The following NF1 variants were observed in gnomAD, a reference collection of about 807,000 sequenced individuals.
The protein encoded by NF1 is neurofibromin 1.
A neutral mutation model predicts 325.7 loss-of-function variants in NF1; 122 were observed. That is an observed-to-expected ratio of 0.37 (90% CI 0.32 to 0.44). The LOEUF (loss-of-function observed/expected upper bound fraction) is 0.44. Ranked by LOEUF, NF1 falls within the 20% of genes least tolerant of loss-of-function variation. The probability of loss-of-function intolerance (pLI) is 1.00; values close to 1 mark genes in which losing one functional copy is unlikely to be tolerated. For missense variants in NF1, 2,140 were observed against 3,415.4 expected (o/e 0.63, Z 9.31); for synonymous variants, 1,091 against 1,186.0 (o/e 0.92, Z 1.65).
intron 36 of NF1, chr17:31,307,765 A>C: frequency 1.7e-6 from 1 of 573,760 alleles, no homozygotes; most frequent in Non-Finnish European, 2.7e-6. Context: ...GGGAATAGAA[A>C]ATCTTAGGGT....
intron 11 of NF1, among the ~76,000 whole-genome samples, chr17:31,205,015 T>A (rs949293751): frequency 6.6e-6 from 1 of 152,116 alleles, no homozygotes; most frequent in Non-Finnish European, 1.5e-5. Flanking sequence ...AACCATACTG[T>A]CCCAAAAAAG....
intron 36 of NF1, chr17:31,295,637 T>C (rs1218006973): frequency 6.2e-7 from 1 of 1,614,196 alleles, no homozygotes; most frequent in Admixed American, 1.7e-5. Context: ...AATGTTTTGT[T>C]TGTGGTCACA....
chr17:31,337,382 G>A lies in NF1; in HGVS notation c.6442G>A (p.Val2148Ile), dbSNP rs770993581. 25 of 1,613,828 alleles carry A rather than the reference G, an allele frequency of 1.5e-5. No homozygotes were observed. Among genetic ancestry groups the A allele is most frequent in the Non-Finnish European group, 4.2e-6 (5 of 1,179,868 alleles). Residue 2148 changes from valine (V) to isoleucine (I), a missense_variant, in exon 43 of 58, where the codon GTT (valine) becomes ATT (isoleucine). Val to Ile is a conservative substitution (Grantham distance 29, BLOSUM62 3). Coordinates refer to ENST00000358273, the MANE Select transcript of NF1 (RefSeq NM_001042492.3). ...TTCTCTTACAGAAGAGACCAAGCAA[G>A]TTTTGAGACTCAGTCTGACAGAGTT... ...QLHFSEETKQ[V>I]LRLSLTEFSL... is the part of the protein sequence containing the mutation.
chr17:31,269,290 T>C (rs899138694), intron 36 of NF1, among the ~76,000 whole-genome samples: 1 of 152,204 alleles, frequency 6.6e-6, no homozygotes, highest in Admixed American at 6.5e-5. Context: ...TGGCCTAATG[T>C]ACTTTTCTAA....
At chr17:31,210,474 A>T (rs1387135400) in intron 12 of NF1, among the ~76,000 whole-genome samples, 2 of 152,056 alleles carry the variant, frequency 1.3e-5, no homozygotes, top group African/African-American at 2.4e-5. Flanking sequence ...AGTTATAGCT[A>T]CTCAGGAGGC....
chr17:31,290,939 G>C (rs7208460), intron 36 of NF1, among the ~76,000 whole-genome samples: 45,378 of 150,420 alleles, frequency 0.3, 7,062 homozygotes, highest in East Asian at 0.44. Flanking sequence ...CCAGGAGGTG[G>C]AGGATGCAGT....
chr17:31,338,260 T>C (rs1393152554), intron 45 of NF1, 121 bp downstream of exon 45: 5 of 749,544 alleles, frequency 6.7e-6, no homozygotes, highest in Non-Finnish European at 9.5e-6. Context: ...ATGTTACTTA[T>C]TAAGCCTTTA....
intron 36 of NF1, among the ~76,000 whole-genome samples, chr17:31,275,289 A>G (rs2067983799): frequency 6.6e-6 from 1 of 152,206 alleles, no homozygotes. Context: ...AATAAACATA[A>G]GTTGGATGTA....
intron 29 of NF1, among the ~76,000 whole-genome samples, chr17:31,242,321 T>C: frequency 7.2e-6 from 1 of 139,618 alleles, no homozygotes; most frequent in East Asian, 2.1e-4. Context: ...TTTTTTTTTT[T>C]TTTTTTTTTT....
Position 31,232,069 on chromosome 17 carries a change from T to A in NF1, c.3198-4T>A. 1.5e-6 allele frequency: 2 copies of A among 1,307,242 alleles called. No individual in the cohort carries two copies. The highest frequency in any genetic ancestry group is 1.6e-5 in the African/African-American group (1 of 62,560). 81.0% of individuals were successfully genotyped at this position (1,307,242 alleles called of 1,614,324 possible). A position where few individuals can be genotyped will look rare whatever the true frequency, so the allele number is the denominator to read the frequency against. On this transcript the variant is annotated splice_region_variant and splice_polypyrimidine_tract_variant and intron_variant, in intron 24 of 57. Coordinates refer to ENST00000358273, the MANE Select transcript of NF1 (RefSeq NM_001042492.3). ...TTTTTTTTTTTTTTTTTTTTTTTTT[T>A]CAGAGATTTGGACCAGGCAAGCATG... is the stretch of plus-strand genomic sequence containing the variant.
At chr17:31,217,197 G>A (rs114400924) in intron 13 of NF1, among the ~76,000 whole-genome samples, 6 of 152,244 alleles carry the variant, frequency 3.9e-5, no homozygotes, top group African/African-American at 1.4e-4. Flanking sequence ...ATAAGCTAAC[G>A]GTTTTGAATT....
chr17:31,125,057 G>A (rs939812493), intron 1 of NF1, among the ~76,000 whole-genome samples: 12 of 150,428 alleles, frequency 8.0e-5, no homozygotes, highest in African/African-American at 2.4e-4. Flanking sequence ...ACACCTCTAT[G>A]GCCCAAATCA....
In NF1 at chr17:31,304,473, A is replaced by G. The variant is rs1597799770; in HGVS notation, c.4836-21347A>G. On this transcript the variant is annotated intron_variant, in intron 36 of 57. Transcript: ENST00000358273. ...TATGATCTCCACAGTCTTGATTGAG[A>G]CAGTCCAGAGATGGAGGGAGACTAG... is the stretch of plus-strand genomic sequence containing the variant. 1.9e-6 allele frequency: 3 copies of G among 1,614,170 alleles called. No homozygotes were observed. The East Asian group carries it at 6.7e-5, about 36-fold the overall frequency.
chr17:31,330,531 A>G, intron 39 of NF1, 33 bp downstream of exon 39: 1 of 1,444,046 alleles, frequency 6.9e-7, no homozygotes, highest in South Asian at 1.2e-5. Flanking sequence ...AATACTAACA[A>G]TTATTCTAAG....
At chr17:31,220,263 C>T (rs2066898995) in intron 14 of NF1, among the ~76,000 whole-genome samples, 1 of 152,166 alleles carries the variant, frequency 6.6e-6, no homozygotes, top group Non-Finnish European at 1.5e-5. Flanking sequence ...AATGTTTATA[C>T]ATACCCAGTA....
intron 29 of NF1, among the ~76,000 whole-genome samples, chr17:31,240,727 T>A (rs1014320522): frequency 1.3e-5 from 2 of 152,194 alleles, no homozygotes; most frequent in African/African-American, 4.8e-5. Context: ...TTCTCACTTT[T>A]CTCCTTGTCA....
Position 31,221,858 on chromosome 17 carries a change from G to T in NF1, c.1650G>T (p.Leu550=). 1 of 1,605,026 alleles carries T rather than the reference G, an allele frequency of 6.2e-7. No individual in the cohort carries two copies. The highest frequency in any genetic ancestry group is 2.2e-5 in the East Asian group (1 of 44,686). ...EIAQEAMEAL[L]VLHQLDSIDL... ...TTTTTTAAAAAATTCAGGCTCTGCT[G>T]GTTCTTCATCAGTTAGATAGCATTG... is the stretch of plus-strand genomic sequence containing the variant. The change falls in exon 15 of 58, where the codon CTG becomes CTT. Residue 550 remains leucine (L), a synonymous_variant. Transcript: ENST00000358273.
chr17:31,361,792 G>A (rs748029562), intron 57 of NF1, among the ~76,000 whole-genome samples: 5 of 152,160 alleles, frequency 3.3e-5, no homozygotes, highest in African/African-American at 7.2e-5. Flanking sequence ...TGAAGGTTCT[G>A]AAGAATTTGG....
At position 31,374,525 on chromosome 17, in the gene NF1, C is replaced by T; in HGVS notation, c.*370C>T. ...GAAAGCCATTTGCACAGAGCTCTGC[C>T]TTCTGTGGTTTTCCCTTCTTCATCC... On this transcript the variant is annotated 3_prime_UTR_variant, in exon 58 of 58. Transcript: ENST00000358273. 2 of 405,340 alleles carry T rather than the reference C, an allele frequency of 4.9e-6. No homozygotes were observed. The highest frequency in any genetic ancestry group is 4.3e-5 in the East Asian group (1 of 23,474). 25.1% of individuals were successfully genotyped at this position (405,340 alleles called of 1,614,324 possible). A position where few individuals can be genotyped will look rare whatever the true frequency, so the allele number is the denominator to read the frequency against.
Sources: gnomAD v4.1 joint callset for allele counts (sites outside exome capture counted in the v4.1 genomes callset) on GRCh38, gnomAD v4.1.1 for gene constraint, MANE v1.5 for transcripts, NCBI Gene and HGNC (gene_info 2026-07-23, HGNC 2026-07-21) for gene names.